PPP2R2B: variants seen among roughly 807,000 people sequenced by gnomAD.
The protein encoded by PPP2R2B is protein phosphatase 2 regulatory subunit Bbeta, also known as serine/threonine-protein phosphatase 2A 55 kDa regulatory subunit B beta isoform.
Under a neutral mutation model 46.0 loss-of-function variants are expected in PPP2R2B, and 5 were observed. That is an observed-to-expected ratio of 0.11 (90% CI 0.06 to 0.23). The LOEUF is 0.23. Among genes scored for constraint, PPP2R2B ranks in the 10% least tolerant of loss-of-function variants. PPP2R2B has a pLI of 1.00. For missense variants in PPP2R2B, 367 were observed against 575.0 expected (o/e 0.64, Z 3.70); for synonymous variants, 215 against 206.7 (o/e 1.04, Z -0.34).
intron 4 of PPP2R2B, 97 bp downstream of exon 4, chr5:146,697,882 G>T: frequency 1.6e-6 from 2 of 1,245,488 alleles, no homozygotes; most frequent in Non-Finnish European, 2.2e-6. Flanking sequence ...TTTTTCAACA[G>T]CCCACACAGT....
chr5:147,012,448 G>T (rs1050064891), intron 1 of PPP2R2B, among the ~76,000 whole-genome samples: 1 of 151,864 alleles, frequency 6.6e-6, no homozygotes. Flanking sequence ...TTTTTATTGC[G>T]TCTATTAGAT....
In PPP2R2B at chr5:146,940,908, G is replaced by A. The variant is rs902489569; in HGVS notation, c.79+114757C>T. 3.4e-4 allele frequency among the ~76,000 whole-genome samples: 51 copies of A among 152,138 alleles called. 1 individual carries two copies. Among genetic ancestry groups the A allele is most frequent in the African/African-American group, 1.2e-3 (48 of 41,442 alleles). On this transcript the variant is annotated intron_variant, in intron 1 of 8. Transcript: ENST00000336640. ...CAGCCTAGTATATTTTCCATAAGCC[G>A]TAGCCTTCTCCTGGAAGTATTCCTT...
At chr5:146,836,603 A>C (rs1250549438) in intron 2 of PPP2R2B, among the ~76,000 whole-genome samples, 1 of 152,124 alleles carries the variant, frequency 6.6e-6, no homozygotes, top group Non-Finnish European at 1.5e-5. Context: ...AGAGACAGAG[A>C]CTTTGAGGTT....
At chr5:147,072,554 T>C (rs557397748) in intron 2 of PPP2R2B, among the ~76,000 whole-genome samples, 2 of 152,298 alleles carry the variant, frequency 1.3e-5, no homozygotes, top group East Asian at 1.9e-4. Flanking sequence ...TGTTAAACTT[T>C]CTGAGTCTCA....
At chr5:146,894,522 C>CT (rs1354478375) in intron 1 of PPP2R2B, among the ~76,000 whole-genome samples, 1 of 152,184 alleles carries the variant, frequency 6.6e-6, no homozygotes, top group African/African-American at 2.4e-5. Flanking sequence ...TCACTGAAGC[C>CT]TTGACCTCAT....
At chr5:146,886,817 A>G (rs886839912) in intron 1 of PPP2R2B, among the ~76,000 whole-genome samples, 1 of 151,324 alleles carries the variant, frequency 6.6e-6, no homozygotes, top group Admixed American at 6.6e-5. Context: ...ATCATTTTAA[A>G]CTTTTTTAGT....
intron 1 of PPP2R2B, among the ~76,000 whole-genome samples, chr5:146,933,689 T>TTTA (rs1397673630): frequency 2.0e-5 from 3 of 151,876 alleles, no homozygotes; most frequent in African/African-American, 7.3e-5. Flanking sequence ...TTTTTTTTCT[T>TTTA]TTATTATTAT....
chr5:146,802,847 T>C (rs1035511468), intron 2 of PPP2R2B, among the ~76,000 whole-genome samples: 16 of 152,254 alleles, frequency 1.1e-4, no homozygotes, highest in African/African-American at 3.8e-4. Context: ...CCAGCACTAG[T>C]TAGTTATGCA....
At chr5:146,832,991 C>G (rs558218218) in intron 2 of PPP2R2B, among the ~76,000 whole-genome samples, 10 of 151,782 alleles carry the variant, frequency 6.6e-5, no homozygotes, top group African/African-American at 2.2e-4. Context: ...TATCACAAGC[C>G]CTTTGCAAAC....
intron 8 of PPP2R2B, among the ~76,000 whole-genome samples, chr5:146,597,632 T>A (rs146243138): frequency 1.3e-5 from 2 of 152,196 alleles, no homozygotes; most frequent in Non-Finnish European, 2.9e-5. Flanking sequence ...CATAAAATCA[T>A]ACAGGTTAAT....
At chr5:146,665,627 T>A (rs1466751353) in intron 5 of PPP2R2B, among the ~76,000 whole-genome samples, 19 of 152,344 alleles carry the variant, frequency 1.2e-4, no homozygotes. Flanking sequence ...TTTAATTTCC[T>A]CCAAGAACTT....
intron 2 of PPP2R2B, among the ~76,000 whole-genome samples, chr5:146,758,470 C>T (rs1011068256): frequency 3.3e-5 from 5 of 152,188 alleles, no homozygotes; most frequent in Non-Finnish European, 5.9e-5. Context: ...AATACAAATA[C>T]GGCACTATCA....
chr5:146,818,682 T>A (rs1758078832), intron 2 of PPP2R2B, among the ~76,000 whole-genome samples: 1 of 152,180 alleles, frequency 6.6e-6, no homozygotes, highest in South Asian at 2.1e-4. Context: ...AGATGAGAAA[T>A]CTGAGACCCA....
chr5:146,939,292 C>G (rs1764250507), intron 1 of PPP2R2B, among the ~76,000 whole-genome samples: 1 of 152,112 alleles, frequency 6.6e-6, no homozygotes, highest in Non-Finnish European at 1.5e-5. Context: ...ATACTTCTAC[C>G]TCAGGGTACC....
intron 2 of PPP2R2B, among the ~76,000 whole-genome samples, chr5:146,838,035 C>G (rs1292160972): frequency 6.6e-6 from 1 of 152,150 alleles, no homozygotes; most frequent in Non-Finnish European, 1.5e-5. Context: ...TGTTCATATT[C>G]CTAACAGTGA....
chr5:146,707,453 AG>A, intron 2 of PPP2R2B: 1 of 763,166 alleles, frequency 1.3e-6, no homozygotes, highest in Middle Eastern at 3.0e-4. Flanking sequence ...GCCCCACCAT[AG>A]GCCACCCCGG....
At chr5:146,846,459 C>G (rs1337160740) in intron 2 of PPP2R2B, among the ~76,000 whole-genome samples, 1 of 152,002 alleles carries the variant, frequency 6.6e-6, no homozygotes, top group Non-Finnish European at 1.5e-5. Flanking sequence ...ACGGGTGGAT[C>G]ATGAGGTCAG....
intron 2 of PPP2R2B, among the ~76,000 whole-genome samples, chr5:146,729,085 T>C (rs1752065444): frequency 6.6e-6 from 1 of 152,140 alleles, no homozygotes; most frequent in African/African-American, 2.4e-5. Context: ...AGAGACTTGT[T>C]GAATGGCTGT....
intron 2 of PPP2R2B, among the ~76,000 whole-genome samples, chr5:146,774,505 A>G (rs891860157): frequency 3.3e-5 from 5 of 152,096 alleles, no homozygotes; most frequent in Non-Finnish European, 7.4e-5. Context: ...GTTTACAGAA[A>G]AAAAAAATGG....
Sources: allele counts gnomAD v4.1 joint callset (sites outside exome capture counted in the v4.1 genomes callset), GRCh38; gene constraint gnomAD v4.1.1; transcripts MANE v1.5; gene names NCBI Gene and HGNC (gene_info 2026-07-23, HGNC 2026-07-21).